The following HUNK variants were observed in gnomAD, a reference collection of about 807,000 sequenced individuals.
HUNK encodes the protein hormonally up-regulated Neu-associated kinase.
A neutral mutation model predicts 61.0 loss-of-function variants in HUNK; 21 were observed. That is an observed-to-expected ratio of 0.34 (90% confidence interval 0.24 to 0.50). HUNK has a LOEUF of 0.50. Among genes scored for constraint, HUNK ranks in the 20% least tolerant of loss-of-function variants. HUNK has a pLI of 0.98. For missense variants in HUNK, 772 were observed against 945.7 expected (o/e 0.82, Z 2.41); for synonymous variants, 371 against 386.1 (o/e 0.96, Z 0.46).
chr21:31,932,557 G>C (rs1411163621), intron 2 of HUNK, among the ~76,000 whole-genome samples: 2 of 152,162 alleles, frequency 1.3e-5, no homozygotes, highest in South Asian at 2.1e-4. Flanking sequence ...AAAGGGCTGT[G>C]ATTAGGTGAT....
intron 7 of HUNK, among the ~76,000 whole-genome samples, chr21:31,980,467 C>T (rs1289907734): frequency 1.3e-5 from 2 of 151,500 alleles, no homozygotes; most frequent in African/African-American, 4.9e-5. Context: ...ACCTCCGCCT[C>T]CCAGCTTCAA....
intron 9 of HUNK, among the ~76,000 whole-genome samples, chr21:31,992,120 C>T (rs2053175869): frequency 6.6e-6 from 1 of 152,186 alleles, no homozygotes. Flanking sequence ...GGTGGAGCAC[C>T]TGTGGCAGCC....
rs1481584740 is a variant in HUNK, at chr21:32,001,377, C to T, written c.*2193C>T. 1 of 152,174 alleles carries T rather than the reference C, an allele frequency of 6.6e-6. No homozygotes were observed. Among genetic ancestry groups the T allele is most frequent in the Non-Finnish European group, 1.5e-5 (1 of 68,042 alleles). The allele number at this position is 152,174 out of a possible 1,614,324, so 9.4% of individuals were successfully genotyped here. ...GTGTACCTTTTCTAAAGACGGTTTC[C>T]AGCTGCAACGGCTCCACTTTGCAGG... On this transcript the variant is annotated 3_prime_UTR_variant, in exon 11 of 11. Coordinates refer to ENST00000270112, the MANE Select transcript of HUNK (RefSeq NM_014586.2).
At chr21:31,966,292 G>A (rs1376528000) in intron 5 of HUNK, among the ~76,000 whole-genome samples, 1 of 151,972 alleles carries the variant, frequency 6.6e-6, no homozygotes, top group Admixed American at 6.6e-5. Flanking sequence ...TATATGACAT[G>A]TATATATATA....
At chr21:31,934,643 A>G (rs961030631) in intron 2 of HUNK, among the ~76,000 whole-genome samples, 1 of 152,022 alleles carries the variant, frequency 6.6e-6, no homozygotes, top group Non-Finnish European at 1.5e-5. Flanking sequence ...TAGTTTTTCA[A>G]CCCTCGTCCT....
intron 2 of HUNK, among the ~76,000 whole-genome samples, chr21:31,935,350 C>T (rs1193996186): frequency 2.6e-5 from 4 of 152,136 alleles, no homozygotes; most frequent in Non-Finnish European, 5.9e-5. Context: ...TTCCCTGTTA[C>T]GAATATCTTG....
intron 9 of HUNK, 88 bp from the exon 10 acceptor site, chr21:31,995,680 C>G (rs2053199458): frequency 9.6e-7 from 1 of 1,043,794 alleles, no homozygotes; most frequent in Non-Finnish European, 1.4e-6. Flanking sequence ...TGGAGTTTCT[C>G]TAATCAGTTT....
intron 5 of HUNK, among the ~76,000 whole-genome samples, chr21:31,961,589 T>A (rs1251794372): frequency 6.6e-6 from 1 of 152,228 alleles, no homozygotes; most frequent in Non-Finnish European, 1.5e-5. Flanking sequence ...GTTGTTCTGA[T>A]AGGGGTCTAA....
intron 9 of HUNK, among the ~76,000 whole-genome samples, chr21:31,995,220 G>A (rs1278903127): frequency 1.4e-5 from 2 of 148,114 alleles, no homozygotes; most frequent in African/African-American, 5.0e-5. Flanking sequence ...TACTAAGTAC[G>A]CAAGTAAGTG....
chr21:31,959,197 AC>A (rs34503130), intron 5 of HUNK, among the ~76,000 whole-genome samples: 5 of 149,242 alleles, frequency 3.4e-5, no homozygotes, highest in African/African-American at 1.2e-4. Context: ...TTCTATCTGA[AC>A]CCCTAACTTC....
At chr21:31,907,353 G>C (rs2052513181) in intron 1 of HUNK, among the ~76,000 whole-genome samples, 2 of 152,202 alleles carry the variant, frequency 1.3e-5, no homozygotes, top group Admixed American at 1.3e-4. Context: ...GGGGTTATAG[G>C]AAATAGAGTG....
intron 1 of HUNK, among the ~76,000 whole-genome samples, chr21:31,877,694 A>T (rs1271017526): frequency 6.6e-6 from 1 of 152,214 alleles, no homozygotes; most frequent in Non-Finnish European, 1.5e-5. Flanking sequence ...ACAAAACCAG[A>T]TTCTGAAAAG....
In HUNK at chr21:31,973,505, C is replaced by T. The variant is rs74873717; in HGVS notation, c.1011-1050C>T. On this transcript the variant is annotated intron_variant, in intron 6 of 10. Transcript: ENST00000270112. ...TGTTCTTTTGACACAGCCCCACTAC[C>T]AACACATACACTCCCTTAGAGCCCT... Among the ~76,000 whole-genome samples, 633 of 152,254 alleles carry T rather than the reference C, an allele frequency of 4.2e-3. 5 individuals are homozygous for T. Among genetic ancestry groups the T allele is most frequent in the African/African-American group, 0.015 (608 of 41,544 alleles).
At chr21:31,989,957 C>T (rs529650103) in intron 8 of HUNK, among the ~76,000 whole-genome samples, 172 bp from the exon 9 acceptor site, 2 of 152,214 alleles carry the variant, frequency 1.3e-5, no homozygotes, top group South Asian at 2.1e-4. Flanking sequence ...ATTCAGCACA[C>T]GAGTTAGGAC....
At chr21:31,885,192 G>T (rs550715624) in intron 1 of HUNK, among the ~76,000 whole-genome samples, 1 of 152,224 alleles carries the variant, frequency 6.6e-6, no homozygotes, top group Admixed American at 6.5e-5. Flanking sequence ...AATATCGAGG[G>T]AAATGAAAAC....
chr21:31,993,792 G>A (rs1309238200), intron 9 of HUNK, among the ~76,000 whole-genome samples: 4 of 152,090 alleles, frequency 2.6e-5, no homozygotes, highest in Non-Finnish European at 5.9e-5. Flanking sequence ...TTCAACCAAG[G>A]TGACCTGGAG....
intron 1 of HUNK, among the ~76,000 whole-genome samples, chr21:31,916,047 T>TC: frequency 7.7e-6 from 1 of 130,336 alleles, no homozygotes; most frequent in East Asian, 2.2e-4. Context: ...TGCTTTCTTT[T>TC]TTTTTTTTTT....
chr21:31,984,983 T>C (rs575270387), intron 8 of HUNK, among the ~76,000 whole-genome samples: 2 of 152,172 alleles, frequency 1.3e-5, no homozygotes, highest in Admixed American at 6.5e-5. Context: ...AGTCACGTCT[T>C]ACATGGTGGC....
At chr21:31,886,526 A>G (rs78623005) in intron 1 of HUNK, among the ~76,000 whole-genome samples, 8,783 of 152,122 alleles carry the variant, frequency 0.058, 311 homozygotes, top group Middle Eastern at 0.16. Context: ...AACCTTTAAC[A>G]TCACCTGATC....
Sources: gnomAD v4.1 joint callset for allele counts (sites outside exome capture counted in the v4.1 genomes callset) on GRCh38, gnomAD v4.1.1 for gene constraint, MANE v1.5 for transcripts, NCBI Gene and HGNC (gene_info 2026-07-23, HGNC 2026-07-21) for gene names.